Variants in HEXB observed in about 807,000 individuals in gnomAD.
HEXB encodes the protein hexosaminidase subunit beta.
HEXB carries 51 observed loss-of-function variants against 71.2 expected under a neutral mutation model. The ratio of observed to expected loss-of-function variants is 0.72; its 90% confidence interval spans 0.57 to 0.90. The LOEUF (loss-of-function observed/expected upper bound fraction) is 0.90. Among genes scored for constraint, HEXB ranks in the 40% least tolerant of loss-of-function variants. The pLI, the probability that HEXB is intolerant of heterozygous loss-of-function variation, is 0.00. For missense variants in HEXB, 617 were observed against 677.0 expected (o/e 0.91, Z 0.98); for synonymous variants, 266 against 249.3 (o/e 1.07, Z -0.63).
chr5:74,677,027 C>T (rs1748642963), intron 1 of HEXB, among the ~76,000 whole-genome samples: 1 of 151,970 alleles, frequency 6.6e-6, no homozygotes, highest in African/African-American at 2.4e-5. Flanking sequence ...ACTGGGATTA[C>T]AGGCGCCCGC....
chr5:74,678,111 A>T (rs1748669340), intron 1 of HEXB, among the ~76,000 whole-genome samples: 1 of 152,086 alleles, frequency 6.6e-6, no homozygotes, highest in Admixed American at 6.6e-5. Flanking sequence ...AGCCTGGCCA[A>T]CATGGTGAAA....
At chr5:74,683,203 C>T (rs575536667), upstream of HEXB, among the ~76,000 whole-genome samples, 83 of 152,268 alleles carry the variant, frequency 5.5e-4, 1 homozygote, top group South Asian at 4.2e-4. Context: ...GGTCAGAGAA[C>T]CTCTTTATGG....
intron 6 of HEXB, among the ~76,000 whole-genome samples, chr5:74,711,821 T>G (rs1297975573): frequency 3.3e-5 from 5 of 151,950 alleles, no homozygotes; most frequent in Admixed American, 2.6e-4. Flanking sequence ...TAGGAACACT[T>G]TTACACTGTT....
At chr5:74,682,599 T>C (rs1748759864), upstream of HEXB, among the ~76,000 whole-genome samples, 2 of 152,256 alleles carry the variant, frequency 1.3e-5, no homozygotes, top group South Asian at 4.1e-4. Flanking sequence ...TAGTATGCAA[T>C]GTGAAGTTGT....
chr5:74,668,389 C>G (rs971950833), intron 1 of HEXB, among the ~76,000 whole-genome samples: 3 of 152,100 alleles, frequency 2.0e-5, no homozygotes, highest in Non-Finnish European at 2.9e-5. Flanking sequence ...CAGGCTGCAA[C>G]AGCAGAAGCT....
chr5:74,699,952 T>TC (rs1749220067), intron 5 of HEXB, among the ~76,000 whole-genome samples: 1 of 150,642 alleles, frequency 6.6e-6, no homozygotes, highest in African/African-American at 2.4e-5. Flanking sequence ...TAAGCCTTTT[T>TC]TTTACATATT....
upstream of HEXB, chr5:74,685,080 T>C (rs1457435462): frequency 1.3e-5 from 8 of 630,002 alleles, no homozygotes; most frequent in Non-Finnish European, 1.8e-5. Flanking sequence ...CGAGGTGACC[T>C]GGACAGGGCG....
intron 6 of HEXB, 73 bp downstream of exon 6, chr5:74,705,393 G>A (rs1749362798): frequency 1.1e-6 from 1 of 887,332 alleles, no homozygotes; most frequent in Admixed American, 1.7e-5. Context: ...TAGCTTAAAT[G>A]TTTGTTCTTA....
chr5:74,678,942 G>A (rs2112113002), intron 1 of HEXB, among the ~76,000 whole-genome samples: 1 of 152,226 alleles, frequency 6.6e-6, no homozygotes, highest in South Asian at 2.1e-4. Context: ...AATCAAAGAA[G>A]TGTAAATTAA....
intron 5 of HEXB, among the ~76,000 whole-genome samples, chr5:74,698,394 TTA>T (rs200499818): frequency 2.4e-4 from 33 of 138,694 alleles, no homozygotes; most frequent in African/African-American, 8.2e-4. Flanking sequence ...ATTATTATTA[TTA>T]TTTTTTTTTC....
At chr5:74,663,517 C>T (rs1196849419) in intron 1 of HEXB, among the ~76,000 whole-genome samples, 3 of 152,138 alleles carry the variant, frequency 2.0e-5, no homozygotes, top group Admixed American at 2.0e-4. Flanking sequence ...TAATCACGTG[C>T]TGCCTGACTG....
chr5:74,656,581 T>C (rs186703972), intron 1 of HEXB, among the ~76,000 whole-genome samples: 9 of 152,140 alleles, frequency 5.9e-5, no homozygotes, highest in Non-Finnish European at 7.4e-5. Flanking sequence ...ATTGCACACA[T>C]TGCATGACAC....
intron 1 of HEXB, among the ~76,000 whole-genome samples, chr5:74,646,264 T>A (rs931117077): frequency 1.3e-5 from 2 of 152,198 alleles, no homozygotes; most frequent in Non-Finnish European, 2.9e-5. Flanking sequence ...AACCTGTAGA[T>A]ATTTCCTTCC....
At chr5:74,698,226 C>T (rs970987790) in intron 5 of HEXB, among the ~76,000 whole-genome samples, 2 of 151,080 alleles carry the variant, frequency 1.3e-5, no homozygotes, top group African/African-American at 4.9e-5. Flanking sequence ...TACAGGCATG[C>T]ACCACCACGC....
chr5:74,648,714 T>C (rs1235393958), intron 1 of HEXB, among the ~76,000 whole-genome samples: 1 of 152,266 alleles, frequency 6.6e-6, no homozygotes. Context: ...GTCATCGGCA[T>C]ACATGTTCAT....
chr5:74,691,762 T>C (rs1749009058), intron 2 of HEXB, among the ~76,000 whole-genome samples: 1 of 152,236 alleles, frequency 6.6e-6, no homozygotes, highest in African/African-American at 2.4e-5. Flanking sequence ...ATCTATATTA[T>C]ATTGCTTTTA....
chr5:74,671,237 A>G (rs1748532815), intron 1 of HEXB, among the ~76,000 whole-genome samples: 1 of 152,222 alleles, frequency 6.6e-6, no homozygotes, highest in South Asian at 2.1e-4. Context: ...TGTATTCATC[A>G]GACCTTACGT....
chr5:74,712,389 C>G (rs764937535), intron 6 of HEXB, among the ~76,000 whole-genome samples: 22 of 151,126 alleles, frequency 1.5e-4, no homozygotes, highest in Non-Finnish European at 1.8e-4. Context: ...ACGTAACTAA[C>G]CTGCACATTG....
rs144750815 is a variant in HEXB at position 74,654,248 on chromosome 5, C to A, written c.-377+13690C>A. On this transcript the variant is annotated intron_variant, in intron 1 of 13. Transcript: ENST00000511181. ...TGCTTCTCAAACTTTAATGTGCACACGAATCACTTGGGGAACTTGTTAAAC... is the reference window on the plus strand; with the variant it reads ...TGCTTCTCAAACTTTAATGTGCACAAGAATCACTTGGGGAACTTGTTAAAC... 2.0e-5 allele frequency among the ~76,000 whole-genome samples: 3 copies of A among 152,198 alleles called. No homozygotes were observed. In the East Asian group the frequency reaches 5.8e-4, roughly 29 times the overall value.
Sources: allele counts gnomAD v4.1 joint callset (sites outside exome capture counted in the v4.1 genomes callset), GRCh38; gene constraint gnomAD v4.1.1; transcripts MANE v1.5; gene names NCBI Gene and HGNC (gene_info 2026-07-23, HGNC 2026-07-21).